The following CTNND2 variants were observed in gnomAD, a reference collection of about 807,000 sequenced individuals.
CTNND2 encodes catenin delta 2.
CTNND2 carries 22 observed loss-of-function variants against 144.4 expected under a neutral mutation model. That is an observed-to-expected ratio of 0.15 (90% CI 0.11 to 0.22). The LOEUF (loss-of-function observed/expected upper bound fraction) is 0.22. Ranked by LOEUF, CTNND2 falls within the 10% of genes least tolerant of loss-of-function variation. CTNND2 has a pLI of 1.00. For synonymous variants in CTNND2, 751 were observed against 695.6 expected, an observed-to-expected ratio of 1.08 and a Z score of -1.25; for missense variants, 1,353 against 1,618.8, an observed-to-expected ratio of 0.84 and a Z score of 2.82.
At chr5:11,318,001 G>A (rs1057384248) in intron 9 of CTNND2, among the ~76,000 whole-genome samples, 2 of 152,164 alleles carry the variant, frequency 1.3e-5, no homozygotes, top group Admixed American at 1.3e-4. Flanking sequence ...GTTAGGTGTT[G>A]AACCATGTCC....
At chr5:11,623,818 A>ATATATATATATATG (rs1781002344) in intron 2 of CTNND2, among the ~76,000 whole-genome samples, 4 of 65,576 alleles carry the variant, frequency 6.1e-5, no homozygotes, top group South Asian at 4.9e-4. Context: ...GTATATATAT[A>ATATATATATATATG]TATATATATA....
intron 1 of CTNND2, among the ~76,000 whole-genome samples, chr5:11,874,508 G>A (rs1735406114): frequency 6.6e-6 from 1 of 152,138 alleles, no homozygotes; most frequent in Non-Finnish European, 1.5e-5. Flanking sequence ...AGTAAAATAA[G>A]GGTGATGTGA....
chr5:11,601,498 G>T (rs1779792234), intron 2 of CTNND2, among the ~76,000 whole-genome samples: 1 of 151,734 alleles, frequency 6.6e-6, no homozygotes, highest in Non-Finnish European at 1.5e-5. Flanking sequence ...TTTTAATGTG[G>T]TCTATTTGAA....
chr5:11,358,228 C>A (rs1561272917), intron 8 of CTNND2, among the ~76,000 whole-genome samples: 1 of 152,126 alleles, frequency 6.6e-6, no homozygotes, highest in South Asian at 2.1e-4. Context: ...TCTATTTGTA[C>A]AAAAGTATGA....
At chr5:11,883,632 A>G (rs911377977) in intron 1 of CTNND2, among the ~76,000 whole-genome samples, 1 of 152,220 alleles carries the variant, frequency 6.6e-6, no homozygotes, top group Non-Finnish European at 1.5e-5. Context: ...ACAGTGCTGC[A>G]ATAAACATAC....
chr5:11,562,620 T>C (rs1776767600), intron 3 of CTNND2, among the ~76,000 whole-genome samples: 1 of 152,234 alleles, frequency 6.6e-6, no homozygotes. Context: ...CACTCAACAC[T>C]ATTATTTAGT....
intron 3 of CTNND2, among the ~76,000 whole-genome samples, chr5:11,416,908 C>A (rs1761980327): frequency 6.6e-6 from 1 of 151,952 alleles, no homozygotes; most frequent in African/African-American, 2.4e-5. Context: ...TTGAATATAC[C>A]TAAATATAAG....
intron 3 of CTNND2, among the ~76,000 whole-genome samples, chr5:11,483,378 T>C (rs1219539669): frequency 1.3e-5 from 2 of 152,150 alleles, no homozygotes; most frequent in Non-Finnish European, 1.5e-5. Flanking sequence ...TCAGTGAGAC[T>C]TCAGAGCAGC....
intron 16 of CTNND2, among the ~76,000 whole-genome samples, chr5:11,044,022 A>G (rs1041671610): frequency 6.6e-6 from 1 of 152,196 alleles, no homozygotes; most frequent in Non-Finnish European, 1.5e-5. Flanking sequence ...CACTTGGCTG[A>G]GAGTAACTGG....
At chr5:11,400,877 T>C (rs1466904603) in intron 5 of CTNND2, among the ~76,000 whole-genome samples, 2 of 152,240 alleles carry the variant, frequency 1.3e-5, no homozygotes, top group Admixed American at 1.3e-4. Flanking sequence ...ATCCTTATCT[T>C]CTGTCTCCAA....
At chr5:11,569,756 C>T (rs781344152) in intron 2 of CTNND2, among the ~76,000 whole-genome samples, 8 of 152,114 alleles carry the variant, frequency 5.3e-5, no homozygotes, top group Non-Finnish European at 1.2e-4. Flanking sequence ...TTTCTATGGT[C>T]TAAATGCCTG....
At chr5:11,688,721 G>A (rs116707138) in intron 2 of CTNND2, among the ~76,000 whole-genome samples, 231 of 152,296 alleles carry the variant, frequency 1.5e-3, no homozygotes, top group African/African-American at 5.4e-3. Context: ...CCCAGGAGAA[G>A]GGCCCTGATG....
chr5:10,973,289 A>G lies in CTNND2; in HGVS notation c.*164T>C. On this transcript the variant is annotated 3_prime_UTR_variant, in exon 22 of 22. Coordinates refer to ENST00000304623, the MANE Select transcript of CTNND2 (RefSeq NM_001332.4). This position sits in a 1 kb window ranked among gnomAD's most constrained non-coding sequence, Gnocchi z 5.6. ...TTCCAAGTTAACTTGCGATTCATTT[A>G]GCTTTCTAAAATAGCTCTTAATATT... 1.4e-6 allele frequency: 1 copy of G among 706,414 alleles called. No individual in the cohort carries two copies. Among genetic ancestry groups the G allele is most frequent in the Non-Finnish European group, 2.1e-6 (1 of 467,054 alleles). The allele number at this position is 706,414 out of a possible 1,614,324, so 43.8% of individuals were successfully genotyped here.
At chr5:11,345,316 G>A (rs1410656925) in intron 9 of CTNND2, among the ~76,000 whole-genome samples, 1 of 152,124 alleles carries the variant, frequency 6.6e-6, no homozygotes, top group African/African-American at 2.4e-5. Flanking sequence ...ATAACAGTAA[G>A]CACTTATTAC....
At chr5:11,550,805 T>A (rs2150083901) in intron 3 of CTNND2, among the ~76,000 whole-genome samples, 1 of 152,138 alleles carries the variant, frequency 6.6e-6, no homozygotes, top group East Asian at 1.9e-4. Flanking sequence ...AATCAAAGGG[T>A]TCTTGTTGAA....
At chr5:11,766,878 T>C (rs1789620047) in intron 1 of CTNND2, among the ~76,000 whole-genome samples, 1 of 152,182 alleles carries the variant, frequency 6.6e-6, no homozygotes, top group South Asian at 2.1e-4. Flanking sequence ...AAGTCAGAAA[T>C]GTTCACGGTA....
intron 11 of CTNND2, among the ~76,000 whole-genome samples, chr5:11,175,460 G>C (rs553142322): frequency 6.6e-6 from 1 of 152,192 alleles, no homozygotes; most frequent in African/African-American, 2.4e-5. Flanking sequence ...TAGAATCCCA[G>C]CACGCACGCT....
chr5:11,361,043 G>A (rs1448363660), intron 8 of CTNND2, among the ~76,000 whole-genome samples: 14 of 152,050 alleles, frequency 9.2e-5, no homozygotes, highest in Admixed American at 9.2e-4. Context: ...TTATTTAGAT[G>A]GAGTTTCACT....
chr5:11,170,631 AAGAAACATC>A (rs1157714402), intron 11 of CTNND2, among the ~76,000 whole-genome samples: 17 of 152,124 alleles, frequency 1.1e-4, no homozygotes, highest in African/African-American at 3.9e-4. Flanking sequence ...GGAAGCATGG[AAGAAACATC>A]AGATTGAGAT....
Sources: gnomAD v4.1 joint callset for allele counts (sites outside exome capture counted in the v4.1 genomes callset) on GRCh38, gnomAD v4.1.1 for gene constraint, Gnocchi (gnomAD v3.1) non-coding constraint, MANE v1.5 for transcripts, NCBI Gene and HGNC (gene_info 2026-07-23, HGNC 2026-07-21) for gene names.